PDE1C: variants seen among roughly 807,000 people sequenced by gnomAD.
PDE1C encodes the protein dual specificity calcium/calmodulin-dependent 3',5'-cyclic nucleotide phosphodiesterase 1C.
PDE1C carries 62 observed loss-of-function variants against 93.1 expected under a neutral mutation model. The ratio of observed to expected loss-of-function variants is 0.67; its 90% CI spans 0.54 to 0.82. The LOEUF (loss-of-function observed/expected upper bound fraction) is 0.82. Among genes scored for constraint, PDE1C ranks in the 40% least tolerant of loss-of-function variants. The pLI is 0.00. For synonymous variants in PDE1C, 325 were observed against 310.1 expected (o/e 1.05, Z -0.50); for missense variants, 742 against 884.6 (o/e 0.84, Z 2.04).
chr7:31,809,569 T>C (rs1787301416), intron 15 of PDE1C, among the ~76,000 whole-genome samples: 1 of 152,040 alleles, frequency 6.6e-6, no homozygotes, highest in African/African-American at 2.4e-5. Context: ...CTAGAAATGG[T>C]ATTTTAATAA....
intron 3 of PDE1C, among the ~76,000 whole-genome samples, chr7:32,140,808 T>C (rs1800479922): frequency 6.6e-6 from 1 of 152,348 alleles, no homozygotes; most frequent in South Asian, 2.1e-4. Context: ...AGAGTGAGGA[T>C]GTGGGATGTA....
At position 31,896,354 on chromosome 7, in the gene PDE1C, C is replaced by T. The variant is rs898020788; in HGVS notation, c.129-15494G>A. On this transcript the variant is annotated intron_variant, in intron 2 of 17. Coordinates refer to ENST00000396191, the MANE Select transcript of PDE1C (RefSeq NM_001191057.4). ...CATGAGACATGAGGTCACCAAACTA[C>T]GTGAATTTATTACCAGAAATAAAGA... 1.1e-4 allele frequency among the ~76,000 whole-genome samples: 16 copies of T among 152,314 alleles called. 1 individual carries two copies. The highest frequency in any genetic ancestry group is 2.6e-4 in the African/African-American group (11 of 41,566).
chr7:31,983,068 A>G (rs927354360), intron 2 of PDE1C, among the ~76,000 whole-genome samples: 5 of 152,242 alleles, frequency 3.3e-5, no homozygotes, highest in Non-Finnish European at 7.3e-5. Context: ...TCATACTGAC[A>G]TGTACTAGAA....
chr7:31,783,178 A>G (rs1032013088), intron 16 of PDE1C, among the ~76,000 whole-genome samples: 1 of 152,234 alleles, frequency 6.6e-6, no homozygotes, highest in African/African-American at 2.4e-5. Flanking sequence ...ACAGGGCTGT[A>G]AAACCATATC....
At chr7:32,401,025 G>A (rs539436564) in intron 1 of PDE1C, among the ~76,000 whole-genome samples, 3 of 152,282 alleles carry the variant, frequency 2.0e-5, no homozygotes, top group Admixed American at 6.5e-5. Context: ...TAGGCTGCCC[G>A]TATACTTTTC....
chr7:31,813,955 A>T (rs1787879167), intron 15 of PDE1C, among the ~76,000 whole-genome samples: 1 of 152,060 alleles, frequency 6.6e-6, no homozygotes, highest in African/African-American at 2.4e-5. Flanking sequence ...ATGGTCTCCA[A>T]TTCCATCCAG....
chr7:31,969,082 AG>A (rs1252415562), intron 2 of PDE1C, among the ~76,000 whole-genome samples: 1 of 152,238 alleles, frequency 6.6e-6, no homozygotes, highest in Non-Finnish European at 1.5e-5. Context: ...CAAGGATTCC[AG>A]GTCTAAAACA....
intron 1 of PDE1C, among the ~76,000 whole-genome samples, chr7:32,358,043 G>A (rs1293747650): frequency 1.3e-5 from 2 of 151,854 alleles, no homozygotes; most frequent in African/African-American, 2.4e-5. Flanking sequence ...GCTCTGGACC[G>A]GAGAGCTACA....
chr7:32,334,595 T>TCC (rs1240365964), intron 1 of PDE1C, among the ~76,000 whole-genome samples: 2 of 68,146 alleles, frequency 2.9e-5, no homozygotes, highest in Admixed American at 1.4e-4. Flanking sequence ...CCTCCCACCC[T>TCC]CCCCCCCCAT....
chr7:31,932,291 T>C lies in PDE1C; in HGVS notation c.129-51431A>G, dbSNP rs560528503. ...CAGAGTGAACAGACAACCTACAGAA[T>C]GGGAGAAAATTTTTGCAATCTATCC... On this transcript the variant is annotated intron_variant, in intron 2 of 17. Transcript: ENST00000396191. Among the ~76,000 whole-genome samples the C allele has an allele frequency of 2.0e-5, 3 of 151,224 alleles. No homozygotes were observed. In the East Asian group the frequency reaches 5.8e-4, roughly 29 times the overall value.
intron 3 of PDE1C, among the ~76,000 whole-genome samples, chr7:32,077,338 G>A (rs570485320): frequency 6.6e-6 from 1 of 152,226 alleles, no homozygotes; most frequent in East Asian, 1.9e-4. Flanking sequence ...CATCCATCTG[G>A]CAGGACACAA....
intron 1 of PDE1C, among the ~76,000 whole-genome samples, chr7:32,234,212 T>A (rs1423553604): frequency 6.6e-6 from 1 of 151,880 alleles, no homozygotes; most frequent in African/African-American, 2.4e-5. Context: ...ATTAAATAAG[T>A]AATATGTGCT....
intron 17 of PDE1C, among the ~76,000 whole-genome samples, chr7:31,760,357 C>G (rs1255962711): frequency 2.6e-5 from 4 of 152,144 alleles, no homozygotes; most frequent in African/African-American, 9.7e-5. Flanking sequence ...ACCCAGTATA[C>G]CCTGTTGTTT....
At chr7:32,038,491 G>T (rs1349962056) in intron 2 of PDE1C, among the ~76,000 whole-genome samples, 1 of 152,124 alleles carries the variant, frequency 6.6e-6, no homozygotes, top group African/African-American at 2.4e-5. Context: ...TACACGCATT[G>T]TCTCATTTAC....
chr7:31,679,486 T>A, the PDE1C span, among the ~76,000 whole-genome samples: 107,136 of 152,112 alleles, frequency 0.7, 38,164 homozygotes, highest in East Asian at 0.82. Context: ...TTTTTCCACA[T>A]CATAAAAACC....
At chr7:32,271,477 C>CAAAT (rs1810961365) in intron 1 of PDE1C, among the ~76,000 whole-genome samples, 1 of 152,030 alleles carries the variant, frequency 6.6e-6, no homozygotes, top group African/African-American at 2.4e-5. Flanking sequence ...ATATTTAACC[C>CAAAT]AGGAACACGA....
chr7:31,686,971 G>C, the PDE1C span: 1 of 152,148 alleles, frequency 6.6e-6, no homozygotes, highest in Admixed American at 6.5e-5. Flanking sequence ...AAAATCTATC[G>C]CATGGGAATT....
chr7:32,163,293 C>T (rs144945579), intron 3 of PDE1C, among the ~76,000 whole-genome samples: 1,985 of 152,290 alleles, frequency 0.013, 23 homozygotes, highest in Admixed American at 0.027. Flanking sequence ...ATATCATCAG[C>T]CAGACTGCAC....
At chr7:32,396,764 G>C (rs75558352) in intron 1 of PDE1C, among the ~76,000 whole-genome samples, 6,272 of 152,084 alleles carry the variant, frequency 0.041, 315 homozygotes, top group African/African-American at 0.12. Flanking sequence ...TAAAAACAAC[G>C]TGAAACCAGC....
Sources: allele counts gnomAD v4.1 joint callset (sites outside exome capture counted in the v4.1 genomes callset), GRCh38; gene constraint gnomAD v4.1.1; transcripts MANE v1.5; gene names NCBI Gene and HGNC (gene_info 2026-07-23, HGNC 2026-07-21).